Variants in TAFA2 observed in about 807,000 individuals in gnomAD.
TAFA2 encodes chemokine-like protein TAFA-2.
In TAFA2, 7 loss-of-function variants were observed where a neutral mutation model predicts 18.8. That is an observed-to-expected ratio of 0.37 (90% CI 0.21 to 0.70). The LOEUF (loss-of-function observed/expected upper bound fraction) is 0.70, where lower values mean the gene tolerates loss of function less well. Among genes scored for constraint, TAFA2 ranks in the 30% least tolerant of loss-of-function variants. The pLI is 0.53. For synonymous variants in TAFA2, 60 were observed against 54.2 expected, an observed-to-expected ratio of 1.11 and a Z score of -0.47; for missense variants, 122 against 158.1, an observed-to-expected ratio of 0.77 and a Z score of 1.23.
chr12:62,149,645 A>G (rs2062313974), intron 1 of TAFA2, among the ~76,000 whole-genome samples: 1 of 150,420 alleles, frequency 6.6e-6, no homozygotes, highest in Non-Finnish European at 1.5e-5. Flanking sequence ...CCTTAAGGAG[A>G]AGCTGAACTT....
At chr12:62,140,777 C>A (rs557205697) in intron 1 of TAFA2, among the ~76,000 whole-genome samples, 1 of 152,234 alleles carries the variant, frequency 6.6e-6, no homozygotes, top group East Asian at 1.9e-4. Context: ...CCAGGACCAT[C>A]AGAAGTAGGT....
chr12:61,725,953 C>T (rs1870144468), intron 4 of TAFA2, among the ~76,000 whole-genome samples: 2 of 151,154 alleles, frequency 1.3e-5, no homozygotes, highest in South Asian at 4.2e-4. Context: ...TAAAAGACTA[C>T]ACAGTGGGTA....
intron 2 of TAFA2, 101 bp downstream of exon 2, chr12:61,867,219 C>T: frequency 1.4e-6 from 1 of 732,904 alleles, no homozygotes; most frequent in Non-Finnish European, 2.4e-6. Context: ...AGAATCTATA[C>T]CTAGTAAAAT....
chr12:61,933,117 G>A (rs987290918), intron 1 of TAFA2, among the ~76,000 whole-genome samples: 4 of 152,128 alleles, frequency 2.6e-5, no homozygotes, highest in African/African-American at 4.8e-5. Context: ...GGTAAAGGAG[G>A]TTCTTGTACT....
At chr12:62,017,033 G>A (rs1880961322) in intron 1 of TAFA2, among the ~76,000 whole-genome samples, 1 of 152,066 alleles carries the variant, frequency 6.6e-6, no homozygotes, top group South Asian at 2.1e-4. Context: ...AAATTACTGA[G>A]GGCTTACCAT....
At chr12:61,773,900 GCAGAGTTGACAGACAACCCA>G (rs139357015) in intron 2 of TAFA2, among the ~76,000 whole-genome samples, 158 of 151,994 alleles carry the variant, frequency 1.0e-3, no homozygotes, top group African/African-American at 3.7e-3. Context: ...GTAATAATCT[GCAGAGTTGACAGACAACCCA>G]CAGAGTGGGA....
chr12:61,842,891 A>G (rs146350775), intron 2 of TAFA2, among the ~76,000 whole-genome samples: 335 of 152,210 alleles, frequency 2.2e-3, no homozygotes, highest in African/African-American at 7.5e-3. Flanking sequence ...TTTACTTAAT[A>G]TTGAAATTCA....
At chr12:61,927,069 GAAAAAA>G (rs56908081) in intron 1 of TAFA2, among the ~76,000 whole-genome samples, 28 of 69,904 alleles carry the variant, frequency 4.0e-4, no homozygotes, top group African/African-American at 1.5e-3. Flanking sequence ...GTGAGACTCT[GAAAAAA>G]AAAAAAAAAA....
chr12:62,077,678 A>G (rs1325922976), intron 1 of TAFA2, among the ~76,000 whole-genome samples: 1 of 152,014 alleles, frequency 6.6e-6, no homozygotes, highest in Non-Finnish European at 1.5e-5. Context: ...TCTCTTCTGC[A>G]CTCTCTAAAG....
intron 2 of TAFA2, among the ~76,000 whole-genome samples, chr12:61,778,442 C>T (rs554656119): frequency 6.6e-6 from 1 of 151,862 alleles, no homozygotes; most frequent in East Asian, 2.0e-4. Context: ...CGCTTGCCAC[C>T]AGTCATGATG....
At chr12:62,057,915 A>G (rs1194522896) in intron 1 of TAFA2, among the ~76,000 whole-genome samples, 3 of 152,152 alleles carry the variant, frequency 2.0e-5, no homozygotes, top group East Asian at 1.9e-4. Context: ...TTCAGATCTC[A>G]CTTAAGGAAT....
At chr12:62,155,581 TG>T (rs2062363330) in intron 1 of TAFA2, among the ~76,000 whole-genome samples, 1 of 152,168 alleles carries the variant, frequency 6.6e-6, no homozygotes, top group Non-Finnish European at 1.5e-5. Flanking sequence ...AGCATGGTAC[TG>T]GTATAAAAAT....
chr12:62,108,992 A>C (rs536686838), intron 1 of TAFA2, among the ~76,000 whole-genome samples: 36 of 152,150 alleles, frequency 2.4e-4, no homozygotes, highest in African/African-American at 8.4e-4. Flanking sequence ...AATTAGATCC[A>C]ATTTGTCAAT....
chr12:61,809,740 G>A (rs1378119764), intron 2 of TAFA2, among the ~76,000 whole-genome samples: 4 of 151,324 alleles, frequency 2.6e-5, no homozygotes, highest in Non-Finnish European at 5.9e-5. Flanking sequence ...ATGGTTGAGG[G>A]TAGAAAAGCT....
At chr12:61,929,159 T>TAAAAAAAAAAAAAAAAAA (rs57143585) in intron 1 of TAFA2, among the ~76,000 whole-genome samples, 1 of 134,746 alleles carries the variant, frequency 7.4e-6, no homozygotes, top group African/African-American at 2.7e-5. Flanking sequence ...AAGTATAATT[T>TAAAAAAAAAAAAAAAAAA]AAAAAAAAAA....
At chr12:61,905,603 A>G (rs1876313365) in intron 1 of TAFA2, among the ~76,000 whole-genome samples, 1 of 152,202 alleles carries the variant, frequency 6.6e-6, no homozygotes, top group South Asian at 2.1e-4. Context: ...GATAATCTCA[A>G]TATCACCAGA....
At chr12:62,133,040 C>T (rs2136896899) in intron 1 of TAFA2, among the ~76,000 whole-genome samples, 1 of 152,016 alleles carries the variant, frequency 6.6e-6, no homozygotes. Context: ...GTGGTACAGG[C>T]CCATCCTGTA....
chr12:61,808,626 T>C (rs926040976), intron 2 of TAFA2, among the ~76,000 whole-genome samples: 13 of 151,446 alleles, frequency 8.6e-5, no homozygotes, highest in African/African-American at 3.2e-4. Context: ...GAAGTTACGG[T>C]TGGGTCCATG....
At chr12:61,739,534 G>T (rs1307183386) in intron 4 of TAFA2, among the ~76,000 whole-genome samples, 1 of 151,930 alleles carries the variant, frequency 6.6e-6, no homozygotes, top group Non-Finnish European at 1.5e-5. Flanking sequence ...ATCATATAGT[G>T]ATGTGAAACA....
Sources: gnomAD v4.1 joint callset for allele counts (sites outside exome capture counted in the v4.1 genomes callset) on GRCh38, gnomAD v4.1.1 for gene constraint, MANE v1.5 for transcripts, NCBI Gene and HGNC (gene_info 2026-07-23, HGNC 2026-07-21) for gene names.